The following MYO10 variants were observed in gnomAD, a reference collection of about 807,000 sequenced individuals.
MYO10 encodes the protein myosin X.
In MYO10, 133 loss-of-function variants were observed where a neutral mutation model predicts 257.3. The ratio of observed to expected loss-of-function variants is 0.52; its 90% CI spans 0.45 to 0.60. MYO10 has a LOEUF of 0.60. MYO10 is among the 20% of genes least tolerant of loss of function. The pLI, the probability that MYO10 is intolerant of heterozygous loss-of-function variation, is 0.00. For missense variants in MYO10, 2,399 were observed against 2,635.7 expected, an observed-to-expected ratio of 0.91 and a Z score of 1.97; for synonymous variants, 1,104 against 1,028.6, an observed-to-expected ratio of 1.07 and a Z score of -1.40.
Position 16,848,155 on chromosome 5 carries a change from C to CTTTTTTTTTTTTTTTCT in MYO10, c.120+29453_120+29454insAGAAAAAAAAAAAAAAA, listed in dbSNP as rs1554002459. ...TGATTAAGCAAAGAACTACACATTTCTTTTTTTTTTTTTTTTTTGTGAGAG... is the reference window on the plus strand; with the variant it reads ...TGATTAAGCAAAGAACTACACATTTCTTTTTTTTTTTTTTTCTTTTTTTTTTTTTTTTTTTGTGAGAG... On this transcript the variant is annotated intron_variant, in intron 2 of 40. Coordinates refer to ENST00000513610, the MANE Select transcript of MYO10 (RefSeq NM_012334.3). Among the ~76,000 whole-genome samples the CTTTTTTTTTTTTTTTCT allele has an allele frequency of 5.1e-3, 581 of 113,524 alleles. 18 individuals carry two copies. Among genetic ancestry groups the CTTTTTTTTTTTTTTTCT allele is most frequent in the African/African-American group, 0.02 (542 of 26,694 alleles). The allele number at this position is 113,524 out of a possible 152,430, so 74.5% of individuals were successfully genotyped here.
In MYO10 at chr5:16,702,992, T is replaced by C. The variant is rs1738157279; in HGVS notation, c.2443A>G (p.Lys815Glu). 6.4e-7 allele frequency: 1 copy of C among 1,552,252 alleles called. No homozygotes were observed. The highest frequency in any genetic ancestry group is 8.7e-7 in the Non-Finnish European group (1 of 1,147,126). The change falls in exon 23 of 41, where the codon AAA becomes GAA. Residue 815 changes from lysine to glutamate, a missense_variant. By Grantham distance (56) the Lys-to-Glu change is moderately conservative. Transcript: ENST00000513610. ...RRVYRQLLAE[K>E]REQEEKKKQE... ...TTCTTCTTTTCTTCTTGCTCCCTTTTCTCTGCCAGCAATTGTCTGTAAACT... is the reference window on the plus strand; with the variant it reads ...TTCTTCTTTTCTTCTTGCTCCCTTTCCTCTGCCAGCAATTGTCTGTAAACT...
At chr5:16,927,958 C>T (rs1342679299) in intron 1 of MYO10, among the ~76,000 whole-genome samples, 1 of 152,160 alleles carries the variant, frequency 6.6e-6, no homozygotes, top group African/African-American at 2.4e-5. Context: ...ACCCAATGTC[C>T]TGTCAATAAC....
intron 19 of MYO10, among the ~76,000 whole-genome samples, chr5:16,723,341 T>C (rs1579908532): frequency 6.6e-6 from 1 of 152,018 alleles, no homozygotes; most frequent in African/African-American, 2.4e-5. Context: ...TGAGCCAAGG[T>C]TGCGCCACTG....
chr5:16,881,815 A>G (rs562785100), intron 1 of MYO10, among the ~76,000 whole-genome samples: 1 of 152,322 alleles, frequency 6.6e-6, no homozygotes, highest in East Asian at 1.9e-4. Flanking sequence ...GCAGACATTT[A>G]CCAGACCATC....
intron 2 of MYO10, among the ~76,000 whole-genome samples, chr5:16,859,825 C>T (rs1744059563): frequency 6.6e-6 from 1 of 152,126 alleles, no homozygotes; most frequent in Non-Finnish European, 1.5e-5. Context: ...TCACCTTCAC[C>T]CACCCCCAGA....
chr5:16,914,387 C>T (rs927402631), intron 1 of MYO10, among the ~76,000 whole-genome samples: 1 of 152,182 alleles, frequency 6.6e-6, no homozygotes, highest in Non-Finnish European at 1.5e-5. Context: ...CAAGCCCATT[C>T]TTATAAGAAC....
At chr5:16,787,229 G>A (rs1178060521) in intron 4 of MYO10, among the ~76,000 whole-genome samples, 2 of 152,032 alleles carry the variant, frequency 1.3e-5, no homozygotes, top group African/African-American at 2.4e-5. Flanking sequence ...CTGCTACTCT[G>A]GAAAGCAGCC....
chr5:16,770,667 G>A (rs957264075), intron 9 of MYO10, among the ~76,000 whole-genome samples: 1 of 152,246 alleles, frequency 6.6e-6, no homozygotes, highest in African/African-American at 2.4e-5. Flanking sequence ...AGGACCATAG[G>A]AGAGTGGGAA....
chr5:16,824,054 A>G (rs189606174), intron 2 of MYO10, among the ~76,000 whole-genome samples: 36 of 152,284 alleles, frequency 2.4e-4, no homozygotes, highest in Non-Finnish European at 2.9e-5. Flanking sequence ...GTGGGGGCAG[A>G]ACAAAGGAAA....
chr5:16,933,261 G>A (rs990442565), intron 1 of MYO10, among the ~76,000 whole-genome samples: 4 of 152,190 alleles, frequency 2.6e-5, no homozygotes, highest in Non-Finnish European at 5.9e-5. Flanking sequence ...ACTGAGTAGA[G>A]TCCAGGGATG....
rs149990825 is a variant in MYO10 at position 16,706,964 on chromosome 5, T to C, written c.2170-2279A>G. 5.6e-3 allele frequency among the ~76,000 whole-genome samples: 860 copies of C among 152,224 alleles called. 18 individuals are homozygous for C. The highest frequency in any genetic ancestry group is 0.044 in the Admixed American group (674 of 15,280). On this transcript the variant is annotated intron_variant, in intron 21 of 40. Coordinates refer to ENST00000513610, the MANE Select transcript of MYO10 (RefSeq NM_012334.3). ...GTCCCCACTCAAATCTCATCTTGAA[T>C]TGTAGCTCCCATAATTCCTATGTGT...
In MYO10 at chr5:16,701,923, T is replaced by C; in HGVS notation, c.2557-85A>G. The C allele has an allele frequency of 6.9e-7, 1 of 1,449,492 alleles. No homozygotes were observed. The highest frequency in any genetic ancestry group is 9.2e-7 in the Non-Finnish European group (1 of 1,085,812). 89.8% of individuals were successfully genotyped at this position (1,449,492 alleles called of 1,614,324 possible). A position where few individuals can be genotyped will look rare whatever the true frequency, so the allele number is the denominator to read the frequency against. ...CCCGCTTTGCAACCAGGATGAAATATGGTCATTATGAGTTGGACTGTGTCC... is the reference window on the plus strand; with the variant it reads ...CCCGCTTTGCAACCAGGATGAAATACGGTCATTATGAGTTGGACTGTGTCC... On this transcript the variant is annotated intron_variant, in intron 24 of 40. Transcript: ENST00000513610. This position sits in a 1 kb window ranked among gnomAD's most constrained non-coding sequence, Gnocchi z 8.1.
chr5:16,775,776 T>C (rs1250358988), intron 9 of MYO10, among the ~76,000 whole-genome samples: 3 of 152,124 alleles, frequency 2.0e-5, no homozygotes, highest in African/African-American at 7.2e-5. Context: ...CTAATTTTTG[T>C]ATTTTTAGTA....
chr5:16,827,277 T>TCCCC (rs1743028824), intron 2 of MYO10, among the ~76,000 whole-genome samples: 1 of 151,984 alleles, frequency 6.6e-6, no homozygotes, highest in African/African-American at 2.4e-5. Flanking sequence ...AGCCTAGGGG[T>TCCCC]TAACATTATC....
rs1745398166 is a variant in MYO10, at chr5:16,902,209, C to A, written c.22-24502G>T. 9 of 645,282 alleles carry A rather than the reference C, an allele frequency of 1.4e-5. No individual in the cohort carries two copies. In the South Asian group the frequency reaches 1.5e-4, roughly 11 times the overall value. The allele number at this position is 645,282 out of a possible 1,614,324, so 40.0% of individuals were successfully genotyped here. A position where few individuals can be genotyped will look rare whatever the true frequency, so the allele number is the denominator to read the frequency against. On this transcript the variant is annotated intron_variant, in intron 1 of 40. Transcript: ENST00000513610. Reference sequence around the variant, plus strand: ...TACAGGTGCCCACCACCAGGCCCGGCTAATTTTTTTTTTTTTAAAGTACAA... The same window carrying A: ...TACAGGTGCCCACCACCAGGCCCGGATAATTTTTTTTTTTTTAAAGTACAA...
At chr5:16,855,834 ATTTTAGAACAGCAGATCAT>A (rs1743945130) in intron 2 of MYO10, among the ~76,000 whole-genome samples, 1 of 152,244 alleles carries the variant, frequency 6.6e-6, no homozygotes. Context: ...AGATGGATGC[ATTTTAGAACAGCAGATCAT>A]TCCAGGAGAC....
intron 26 of MYO10, among the ~76,000 whole-genome samples, chr5:16,696,511 A>G (rs947001570): frequency 8.5e-5 from 13 of 152,188 alleles, no homozygotes; most frequent in Admixed American, 5.2e-4. Flanking sequence ...AATACTTTGA[A>G]TGTGTCTTTA....
At chr5:16,886,207 T>C (rs1744893142) in intron 1 of MYO10, among the ~76,000 whole-genome samples, 1 of 152,036 alleles carries the variant, frequency 6.6e-6, no homozygotes, top group African/African-American at 2.4e-5. Flanking sequence ...AAGTCAAAGC[T>C]CCACCCTGAC....
intron 18 of MYO10, among the ~76,000 whole-genome samples, chr5:16,757,198 G>A (rs1188353865): frequency 6.6e-6 from 1 of 150,900 alleles, no homozygotes; most frequent in Non-Finnish European, 1.5e-5. Context: ...GCTGAGGGGG[G>A]AGAATCACTT....
Sources: allele counts gnomAD v4.1 joint callset (sites outside exome capture counted in the v4.1 genomes callset), GRCh38; gene constraint gnomAD v4.1.1; non-coding constraint Gnocchi (gnomAD v3.1); transcripts MANE v1.5; gene names NCBI Gene and HGNC (gene_info 2026-07-23, HGNC 2026-07-21).